Variants in GABRA5 observed in about 807,000 individuals in gnomAD.
The protein encoded by GABRA5 is gamma-aminobutyric acid receptor subunit alpha-5.
Under a neutral mutation model 47.3 loss-of-function variants are expected in GABRA5, and 18 were observed. That is an observed-to-expected ratio of 0.38 (90% CI 0.26 to 0.56). GABRA5 has a LOEUF of 0.56. Among genes scored for constraint, GABRA5 ranks in the 20% least tolerant of loss-of-function variants. GABRA5 has a pLI of 0.71. For synonymous variants in GABRA5, 237 were observed against 229.3 expected, an observed-to-expected ratio of 1.03 and a Z score of -0.30; for missense variants, 365 against 599.3, an observed-to-expected ratio of 0.61 and a Z score of 4.08.
Position 26,939,908 on chromosome 15 carries a change from C to A in GABRA5, c.725-17C>A. On this transcript the variant is annotated splice_polypyrimidine_tract_variant and intron_variant, in intron 8 of 10. Transcript: ENST00000335625. ...AGACTCTAGGGGACTGATGTGCAGT[C>A]ATTTGCTTATTTGCAGGCGAATACA... 1 of 1,613,628 alleles carries A rather than the reference C, an allele frequency of 6.2e-7. No individual in the cohort carries two copies. Among genetic ancestry groups the A allele is most frequent in the South Asian group, 1.1e-5 (1 of 91,050 alleles).
chr15:26,885,404 A>G (rs1416417502), intron 6 of GABRA5, among the ~76,000 whole-genome samples: 1 of 151,826 alleles, frequency 6.6e-6, no homozygotes, highest in African/African-American at 2.4e-5. Context: ...ACAATCAGGG[A>G]CTTTGTGAAA....
chr15:26,915,151 G>A (rs1025644874), intron 7 of GABRA5, among the ~76,000 whole-genome samples: 1 of 152,192 alleles, frequency 6.6e-6, no homozygotes, highest in Non-Finnish European at 1.5e-5. Context: ...CCCTCTGGGG[G>A]TGTTTCTCCT....
chr15:26,934,191 G>T (rs1894177651), intron 7 of GABRA5, among the ~76,000 whole-genome samples: 1 of 149,354 alleles, frequency 6.7e-6, no homozygotes, highest in Non-Finnish European at 1.5e-5. Flanking sequence ...AACAGAGATT[G>T]CAGTGAGCCA....
At chr15:26,933,152 G>A (rs1435333935) in intron 7 of GABRA5, among the ~76,000 whole-genome samples, 1 of 151,624 alleles carries the variant, frequency 6.6e-6, no homozygotes, top group Non-Finnish European at 1.5e-5. Context: ...TTGAGCAGAC[G>A]AAGAACATGC....
intron 7 of GABRA5, among the ~76,000 whole-genome samples, chr15:26,918,228 T>C (rs1893762379): frequency 6.6e-6 from 1 of 152,162 alleles, no homozygotes; most frequent in Non-Finnish European, 1.5e-5. Context: ...TCAAGGTATC[T>C]TCTAAGTTCC....
chr15:26,935,629 A>G (rs1894219697), intron 7 of GABRA5, among the ~76,000 whole-genome samples: 1 of 152,218 alleles, frequency 6.6e-6, no homozygotes, highest in Admixed American at 6.5e-5. Context: ...GATTGAGGAA[A>G]GTGATGAGTG....
At chr15:26,916,342 A>T (rs550170650) in intron 7 of GABRA5, among the ~76,000 whole-genome samples, 1 of 151,808 alleles carries the variant, frequency 6.6e-6, no homozygotes. Context: ...TCTTTTCCTC[A>T]TTTTTGTATT....
chr15:26,924,302 A>G (rs781538051), intron 7 of GABRA5, among the ~76,000 whole-genome samples: 68 of 151,804 alleles, frequency 4.5e-4, no homozygotes, highest in Middle Eastern at 6.9e-3. Context: ...GCTAGTGTGT[A>G]CAGGACTTCC....
At chr15:26,869,067 G>A (rs1373314480) in intron 2 of GABRA5, 108 bp from the exon 3 acceptor site, 10 of 566,364 alleles carry the variant, frequency 1.8e-5, no homozygotes, top group South Asian at 4.6e-5. Context: ...GAAGGACAGC[G>A]GGCTCCTTTC....
At chr15:26,892,154 G>C (rs1191306681) in intron 6 of GABRA5, among the ~76,000 whole-genome samples, 1 of 152,250 alleles carries the variant, frequency 6.6e-6, no homozygotes, top group Non-Finnish European at 1.5e-5. Flanking sequence ...CCCGGAATCC[G>C]GAGTTTTTGT....
At chr15:26,895,680 G>C (rs542791318) in intron 6 of GABRA5, among the ~76,000 whole-genome samples, 1 of 152,018 alleles carries the variant, frequency 6.6e-6, no homozygotes, top group Admixed American at 6.5e-5. Context: ...GGGCATGGTG[G>C]CACTCGCCTG....
At chr15:26,939,607 T>C (rs1894337138) in intron 8 of GABRA5, 1 of 601,326 alleles carries the variant, frequency 1.7e-6, no homozygotes, top group Non-Finnish European at 3.0e-6. Context: ...AAATCCTAAT[T>C]GCAGAAGCAG....
chr15:26,896,861 G>T (rs1323735095), intron 6 of GABRA5, among the ~76,000 whole-genome samples: 1 of 151,962 alleles, frequency 6.6e-6, no homozygotes, highest in Non-Finnish European at 1.5e-5. Flanking sequence ...ATTTCCTCGG[G>T]TGATTTATTT....
chr15:26,911,295 AG>A (rs1893578304), intron 6 of GABRA5, among the ~76,000 whole-genome samples: 1 of 151,880 alleles, frequency 6.6e-6, no homozygotes, highest in Non-Finnish European at 1.5e-5. Context: ...TTTCTTTAAA[AG>A]TGCCTTTTTT....
intron 9 of GABRA5, among the ~76,000 whole-genome samples, chr15:26,940,461 A>G (rs1180454926): frequency 6.6e-6 from 1 of 152,152 alleles, no homozygotes; most frequent in Non-Finnish European, 1.5e-5. Context: ...GAAGAATTGC[A>G]TGATACCAGT....
At chr15:26,947,133 G>T (rs1465126455) in intron 10 of GABRA5, among the ~76,000 whole-genome samples, 2 of 152,206 alleles carry the variant, frequency 1.3e-5, no homozygotes, top group Non-Finnish European at 2.9e-5. Context: ...TGCACTTGAA[G>T]GTAAAGAAGC....
chr15:26,922,376 A>G (rs1198397170), intron 7 of GABRA5, among the ~76,000 whole-genome samples: 1 of 152,176 alleles, frequency 6.6e-6, no homozygotes, highest in African/African-American at 2.4e-5. Context: ...CTTGATATCA[A>G]TGTGGCCAGT....
chr15:26,944,627 G>A (rs1452999370), intron 10 of GABRA5, among the ~76,000 whole-genome samples: 1 of 152,226 alleles, frequency 6.6e-6, no homozygotes, highest in African/African-American at 2.4e-5. Flanking sequence ...AGACGATAGA[G>A]GTTCTTGGCC....
intron 6 of GABRA5, among the ~76,000 whole-genome samples, chr15:26,911,760 T>C (rs1252171314): frequency 6.6e-6 from 1 of 151,990 alleles, no homozygotes; most frequent in African/African-American, 2.4e-5. Context: ...GAGCAATGGG[T>C]TGGGGGTAAC....
Sources: allele counts gnomAD v4.1 joint callset (sites outside exome capture counted in the v4.1 genomes callset), GRCh38; gene constraint gnomAD v4.1.1; transcripts MANE v1.5; gene names NCBI Gene and HGNC (gene_info 2026-07-23, HGNC 2026-07-21).